Variants in NOA1 observed in about 807,000 individuals in gnomAD.
The protein encoded by NOA1 is nitric oxide-associated protein 1.
A neutral mutation model predicts 58.4 loss-of-function variants in NOA1; 35 were observed. The ratio of observed to expected loss-of-function variants is 0.60; its 90% CI spans 0.46 to 0.79. The LOEUF is 0.79. Among genes scored for constraint, NOA1 ranks in the 30% least tolerant of loss-of-function variants. The pLI is 0.00. For missense variants in NOA1, 895 were observed against 894.6 expected, an observed-to-expected ratio of 1.00 and a Z score of -0.01; for synonymous variants, 397 against 373.4, an observed-to-expected ratio of 1.06 and a Z score of -0.73.
At chr4:56,974,649 C>G (rs1242152363) in intron 1 of NOA1, among the ~76,000 whole-genome samples, 1 of 22,070 alleles carries the variant, frequency 4.5e-5, no homozygotes, top group Admixed American at 6.7e-4. Flanking sequence ...GAGCCTCTGT[C>G]TCAAAAAAAA....
intron 3 of NOA1, among the ~76,000 whole-genome samples, chr4:56,969,803 C>T (rs35514852): frequency 0.31 from 46,833 of 151,260 alleles, 7,566 homozygotes; most frequent in Middle Eastern, 0.38. Context: ...TTTTTTGAGA[C>T]GGAGTCTTGC....
rs994872916 is a variant in NOA1, at chr4:56,968,583, C to T, written c.1516-68G>A. ...AAAATATGATATATTATGATTTACC[C>T]GTAAAATAAAAAGTGATGAAAAATA... On this transcript the variant is annotated intron_variant, in intron 3 of 6. Transcript: ENST00000264230. The T allele has an allele frequency of 4.7e-5, 59 of 1,259,272 alleles. No homozygotes were observed. The Middle Eastern group carries it at 1.2e-3, about 26-fold the overall frequency. The allele number at this position is 1,259,272 out of a possible 1,614,324, so 78.0% of individuals were successfully genotyped here.
In NOA1 at chr4:56,963,409, G is replaced by A; in HGVS notation, c.*41C>T. ...TAATACAAATTCAATGTATTTTGTT[G>A]TGTTCAATACAGTTAATATCTGGAG... On this transcript the variant is annotated 3_prime_UTR_variant, in exon 7 of 7. Coordinates refer to ENST00000264230, the MANE Select transcript of NOA1 (RefSeq NM_032313.4). 7.1e-7 allele frequency: 1 copy of A among 1,407,038 alleles called. No homozygotes were observed. The highest frequency in any genetic ancestry group is 1.0e-6 in the Non-Finnish European group (1 of 994,170). 87.2% of individuals were successfully genotyped at this position (1,407,038 alleles called of 1,614,324 possible). A position where few individuals can be genotyped will look rare whatever the true frequency, so the allele number is the denominator to read the frequency against.
chr4:56,975,383 C>A (rs1490613009), intron 1 of NOA1, among the ~76,000 whole-genome samples: 2 of 151,804 alleles, frequency 1.3e-5, no homozygotes, highest in African/African-American at 2.4e-5. Flanking sequence ...GTAATCCCAG[C>A]ACTTTGGGAG....
At chr4:56,964,328 A>G in intron 6 of NOA1, 78 bp downstream of exon 6, 3 of 1,566,134 alleles carry the variant, frequency 1.9e-6, no homozygotes, top group South Asian at 1.1e-5. Flanking sequence ...CGGCCTCACA[A>G]AGTGCTGGGA....
At chr4:56,971,595 G>A (rs1473304563) in intron 3 of NOA1, among the ~76,000 whole-genome samples, 1 of 152,130 alleles carries the variant, frequency 6.6e-6, no homozygotes. Context: ...TTTGTAGGGA[G>A]ATACAGAGAT....
At chr4:56,969,574 A>C in intron 3 of NOA1, among the ~76,000 whole-genome samples, 1 of 152,200 alleles carries the variant, frequency 6.6e-6, no homozygotes, top group Non-Finnish European at 1.5e-5. Context: ...TCCGTCTCAA[A>C]GGAAAAAAAG....
Position 56,973,948 on chromosome 4 carries a change from G to C in NOA1, c.1219C>G (p.Leu407Val). 6.2e-7 allele frequency: 1 copy of C among 1,613,990 alleles called. No homozygotes were observed. The highest frequency in any genetic ancestry group is 1.1e-5 in the South Asian group (1 of 91,084). ...PYRMFKRHQR[L>V]KKDSTQAEED... Reference sequence around the variant, plus strand: ...TCAGCTTGAGTTGAATCTTTTTTAAGTCTTTGATGCCTTTTAAACATTCTG... The same window carrying C: ...TCAGCTTGAGTTGAATCTTTTTTAACTCTTTGATGCCTTTTAAACATTCTG... Residue 407 changes from leucine (L) to valine (V), a missense_variant, in exon 2 of 7, where the codon CTT (leucine) becomes GTT (valine). Leu to Val is a conservative substitution (Grantham distance 32, BLOSUM62 1). Transcript: ENST00000264230.
intron 3 of NOA1, 95 bp from the exon 4 acceptor site, chr4:56,968,610 G>T: frequency 9.5e-7 from 1 of 1,057,154 alleles, no homozygotes; most frequent in Non-Finnish European, 1.3e-6. Context: ...TGAAAAATAT[G>T]CCAGACTTCA....
intron 3 of NOA1, among the ~76,000 whole-genome samples, chr4:56,970,581 C>T (rs1578539628): frequency 6.6e-6 from 1 of 151,888 alleles, no homozygotes; most frequent in African/African-American, 2.4e-5. Context: ...GTGCCTCAGC[C>T]TCCTCAATAG....
At position 56,976,494 on chromosome 4, in the gene NOA1, G is replaced by A. The variant is rs1460747441; in HGVS notation, c.1092C>T (p.Cys364=). Residue 364 remains cysteine (C), a synonymous_variant, in exon 1 of 7, where the codon TGC becomes TGT. Coordinates refer to ENST00000264230, the MANE Select transcript of NOA1 (RefSeq NM_032313.4). ...LFNTLLESDY[C]TAKGSEAIDR... ...CGATGGCCTCGGAGCCCTTGGCAGT[G>A]CAGTAATCGGACTCCAGGAGCGTGT... 1 of 1,614,236 alleles carries A rather than the reference G, an allele frequency of 6.2e-7. No individual in the cohort carries two copies. The highest frequency in any genetic ancestry group is 2.2e-5 in the East Asian group (1 of 44,886).
Position 56,965,835 on chromosome 4 carries a change from CT to C in NOA1, c.1764+784del, listed in dbSNP as rs10638725. 7.0e-3 allele frequency among the ~76,000 whole-genome samples: 810 copies of C among 115,056 alleles called. 12 individuals are homozygous for C. The highest frequency in any genetic ancestry group is 0.022 in the African/African-American group (662 of 30,024). The allele number at this position is 115,056 out of a possible 152,430, so 75.5% of individuals were successfully genotyped here. A position where few individuals can be genotyped will look rare whatever the true frequency, so the allele number is the denominator to read the frequency against. Reference sequence around the variant, plus strand: ...TAAGCAACCATATTTTAAATTTTCCCTTTTTTTTTTTTTTTTTTAGAGACAG... The same window carrying C: ...TAAGCAACCATATTTTAAATTTTCCCTTTTTTTTTTTTTTTTTAGAGACAG... On this transcript the variant is annotated intron_variant, in intron 5 of 6. Transcript: ENST00000264230.
At position 56,966,742 on chromosome 4, in the gene NOA1, GA is replaced by G. The variant is rs1721719510; in HGVS notation, c.1648-7del. Reference sequence around the variant, plus strand: ...AACCAAGCTGACTGATTTCCCTTAAGAAAGGAAGAAGTTATCTGACCTGGTG... The same window carrying G: ...AACCAAGCTGACTGATTTCCCTTAAGAAGGAAGAAGTTATCTGACCTGGTG... On this transcript the variant is annotated splice_polypyrimidine_tract_variant and splice_region_variant and intron_variant, in intron 4 of 6. Coordinates refer to ENST00000264230, the MANE Select transcript of NOA1 (RefSeq NM_032313.4). 1 of 1,582,906 alleles carries G rather than the reference GA, an allele frequency of 6.3e-7. No homozygotes were observed. Among genetic ancestry groups the G allele is most frequent in the Admixed American group, 1.7e-5 (1 of 59,648 alleles).
intron 1 of NOA1, among the ~76,000 whole-genome samples, chr4:56,974,915 C>A (rs546334674): frequency 6.6e-6 from 1 of 152,032 alleles, no homozygotes; most frequent in South Asian, 2.1e-4. Context: ...GTGGGCAGGT[C>A]TGGTCTGGAA....
At chr4:56,970,776 T>C (rs1169768467) in intron 3 of NOA1, among the ~76,000 whole-genome samples, 1 of 152,038 alleles carries the variant, frequency 6.6e-6, no homozygotes, top group Non-Finnish European at 1.5e-5. Context: ...TCTTAATACT[T>C]TCATTTCACA....
chr4:56,977,539 C>T lies in NOA1; in HGVS notation c.47G>A (p.Arg16His). ...LPFRLLSLFL[R>H]GSAPTAARHG... Reference sequence around the variant, plus strand: ...GCGCGCTGCCGTGGGAGCGGATCCACGAAGGAAAAGGCTCAGCAGCCTGAA... The same window carrying T: ...GCGCGCTGCCGTGGGAGCGGATCCATGAAGGAAAAGGCTCAGCAGCCTGAA... Residue 16 changes from arginine (R) to histidine (H), a missense_variant, in exon 1 of 7, where the codon CGT (arginine) becomes CAT (histidine). Coordinates refer to ENST00000264230, the MANE Select transcript of NOA1 (RefSeq NM_032313.4). The T allele has an allele frequency of 1.2e-6, 2 of 1,611,778 alleles. No individual in the cohort carries two copies. Among genetic ancestry groups the T allele is most frequent in the Non-Finnish European group, 1.7e-6 (2 of 1,179,248 alleles).
At position 56,976,673 on chromosome 4, in the gene NOA1, A is replaced by G; in HGVS notation, c.913T>C (p.Trp305Arg). ...QDGENPNPPNWSRTVVRDVRL... is the reference protein window; with the variant it reads ...QDGENPNPPNRSRTVVRDVRL... The stretch of plus-strand genomic sequence containing the variant: ...ACGTCCCTGACCACTGTGCGGGACC[A>G]GTTCGGCGGATTCGGATTCTCCCCG... Residue 305 changes from tryptophan to arginine, a missense_variant, in exon 1 of 7, where the codon TGG (tryptophan) becomes CGG (arginine). Around this residue, in one of 3 missense-constraint regions of NOA1, gnomAD observed 680 missense variants for 656.5 expected, o/e 1.04. Transcript: ENST00000264230. 6.2e-7 allele frequency: 1 copy of G among 1,613,706 alleles called. No homozygotes were observed. Among genetic ancestry groups the G allele is most frequent in the South Asian group, 1.1e-5 (1 of 91,084 alleles).
intron 1 of NOA1, among the ~76,000 whole-genome samples, chr4:56,975,850 GCA>G (rs1721909993): frequency 6.6e-6 from 1 of 151,820 alleles, no homozygotes; most frequent in Admixed American, 6.6e-5. Context: ...GGGCAACAGA[GCA>G]AGACAAGACT....
chr4:56,974,089 A>ATACGGCGACCACCG, intron 1 of NOA1, 67 bp from the exon 2 acceptor site: 1 of 997,824 alleles, frequency 1.0e-6, no homozygotes. Flanking sequence ...AACATTTTTG[A>ATACGGCGACCACCG]GGATCTACAC....
Sources: gnomAD v4.1 joint callset for allele counts (sites outside exome capture counted in the v4.1 genomes callset) on GRCh38, gnomAD v4.1.1 for gene constraint, gnomAD v4.1.1 regional missense constraint, MANE v1.5 for transcripts, NCBI Gene and HGNC (gene_info 2026-07-23, HGNC 2026-07-21) for gene names.